Variants in DMD observed in about 807,000 individuals in gnomAD.
DMD encodes dystrophin, also known as mutant dystrophin.
Under a neutral mutation model 330.1 loss-of-function variants are expected in DMD, and 63 were observed. The ratio of observed to expected loss-of-function variants is 0.19; its 90% CI spans 0.16 to 0.24. DMD has a LOEUF of 0.24. Among genes scored for constraint, DMD ranks in the 10% least tolerant of loss-of-function variants. The pLI is 1.00. For synonymous variants in DMD, 1,223 were observed against 959.8 expected, an observed-to-expected ratio of 1.27 and a Z score of -5.07; for missense variants, 3,344 against 2,684.1, an observed-to-expected ratio of 1.25 and a Z score of -5.43.
At chrX:32,573,474 T>C in intron 15 of DMD, 56 bp downstream of exon 15, 1 of 913,593 alleles carries the variant, frequency 1.1e-6, no homozygotes, top group Non-Finnish European at 1.6e-6. Flanking sequence ...TAAATAATAG[T>C]GATAATATAC....
At position 31,444,624 on chromosome X, in the gene DMD, G is replaced by T. The variant is rs2149076096; in HGVS notation, c.8941C>A (p.Leu2981Ile). 1.7e-6 allele frequency: 2 copies of T among 1,211,137 alleles called. No individual in the cohort carries two copies. Among genetic ancestry groups the T allele is most frequent in the African/African-American group, 3.5e-5 (2 of 57,672 alleles). The change falls in exon 60 of 79, where the codon CTT (leucine) becomes ATT (isoleucine). Residue 2981 changes from leucine (L) to isoleucine (I), a missense_variant. Transcript: ENST00000357033. ...TTCAGAGGCGCAATTTCTCCTCGAA[G>T]TGCCTGTGTGCAATAGTCAAAAGCA... ...LQDHLEKVKA[L>I]RGEIAPLKEN...
chrX:31,487,147 C>T (rs2068870664), intron 57 of DMD, among the ~76,000 whole-genome samples: 1 of 111,933 alleles, frequency 8.9e-6, no homozygotes, highest in South Asian at 3.7e-4. Flanking sequence ...TCATTTGAGA[C>T]AGCTAGTATT....
At chrX:32,661,927 T>A (rs1386603177) in intron 9 of DMD, among the ~76,000 whole-genome samples, 1 of 111,666 alleles carries the variant, frequency 9.0e-6, no homozygotes, top group Non-Finnish European at 1.9e-5. Flanking sequence ...TGGTATATAA[T>A]CATACCCGAA....
intron 44 of DMD, among the ~76,000 whole-genome samples, chrX:32,059,788 T>G (rs2096209711): frequency 9.0e-6 from 1 of 111,430 alleles, no homozygotes; most frequent in South Asian, 3.8e-4. Context: ...GATGCTTAAG[T>G]TGGTATAAGA....
At chrX:32,965,151 T>C (rs189003365) in intron 2 of DMD, among the ~76,000 whole-genome samples, 207 of 111,519 alleles carry the variant, frequency 1.9e-3, no homozygotes, top group African/African-American at 6.1e-3. Flanking sequence ...AGAGGAGTCC[T>C]ATAGGATAAT....
chrX:33,171,999 T>C (rs987441993), intron 1 of DMD, among the ~76,000 whole-genome samples: 1 of 110,997 alleles, frequency 9.0e-6, no homozygotes, highest in Non-Finnish European at 1.9e-5. Context: ...TGATGCATCT[T>C]GACGCAAACA....
chrX:32,551,937 TA>T (rs2049605731), intron 16 of DMD, among the ~76,000 whole-genome samples: 1 of 112,044 alleles, frequency 8.9e-6, no homozygotes, highest in East Asian at 2.8e-4. Context: ...GAAACACTGC[TA>T]AACTGAGAAT....
chrX:31,540,223 C>T (rs750216677), intron 55 of DMD, among the ~76,000 whole-genome samples: 17 of 111,954 alleles, frequency 1.5e-4, no homozygotes, highest in African/African-American at 3.9e-4. Context: ...TAAAATGATA[C>T]GGACCTTTAA....
At chrX:31,850,350 A>G (rs1305951629) in intron 48 of DMD, among the ~76,000 whole-genome samples, 1 of 112,483 alleles carries the variant, frequency 8.9e-6, no homozygotes, top group Non-Finnish European at 1.9e-5. Flanking sequence ...GCATTTGGGA[A>G]TCAATGAAAT....
At chrX:32,138,487 C>G (rs1393704396) in intron 44 of DMD, among the ~76,000 whole-genome samples, 1 of 112,082 alleles carries the variant, frequency 8.9e-6, no homozygotes, top group Non-Finnish European at 1.9e-5. Context: ...CACAGTTGCT[C>G]TACTTGCATG....
intron 47 of DMD, among the ~76,000 whole-genome samples, chrX:31,900,154 T>C (rs970301494): frequency 9.0e-6 from 1 of 111,629 alleles, no homozygotes; most frequent in African/African-American, 3.3e-5. Context: ...AACAGAGAGT[T>C]AATTCTCACA....
chrX:33,085,713 C>T (rs776489813), intron 1 of DMD, among the ~76,000 whole-genome samples: 4 of 111,629 alleles, frequency 3.6e-5, no homozygotes, highest in African/African-American at 1.3e-4. Flanking sequence ...CACTATCTTA[C>T]CAATAGGCTG....
chrX:32,730,386 T>C (rs745682223), intron 7 of DMD, among the ~76,000 whole-genome samples: 15 of 111,889 alleles, frequency 1.3e-4, no homozygotes, highest in South Asian at 7.5e-4. Flanking sequence ...AGTAAATGCA[T>C]AGATATGTGA....
chrX:32,394,927 A>G (rs377334444), intron 30 of DMD, among the ~76,000 whole-genome samples: 2 of 90,774 alleles, frequency 2.2e-5, no homozygotes, highest in African/African-American at 3.8e-5. Flanking sequence ...AAAAAAAAAA[A>G]AAAAAAGAAA....
intron 2 of DMD, among the ~76,000 whole-genome samples, chrX:32,891,720 T>C (rs1001497939): frequency 8.9e-6 from 1 of 112,024 alleles, no homozygotes; most frequent in Non-Finnish European, 1.9e-5. Context: ...GGAGAGTCTA[T>C]CATCTGTAAA....
chrX:32,576,011 A>G (rs2053003375), intron 13 of DMD, among the ~76,000 whole-genome samples: 1 of 112,225 alleles, frequency 8.9e-6, no homozygotes, highest in African/African-American at 3.2e-5. Flanking sequence ...GGGAATACAA[A>G]TCCAAATAAA....
At chrX:31,152,817 G>A (rs2037604586) in intron 74 of DMD, among the ~76,000 whole-genome samples, 1 of 112,864 alleles carries the variant, frequency 8.9e-6, no homozygotes, top group African/African-American at 3.2e-5. Flanking sequence ...TAGGATTACA[G>A]GTGTGAGCCA....
chrX:33,096,181 A>G (rs1220011911), intron 1 of DMD, among the ~76,000 whole-genome samples: 7 of 109,490 alleles, frequency 6.4e-5, no homozygotes, highest in Middle Eastern at 4.7e-3. Flanking sequence ...TCACCATGTT[A>G]GCCAGGATGG....
Position 32,790,852 on chromosome X carries a change from A to G in DMD, c.649+18641T>C, listed in dbSNP as rs556365342. Among the ~76,000 whole-genome samples the G allele has an allele frequency of 5.1e-4, 57 of 111,555 alleles. No individual in the cohort carries two copies. In the South Asian group the frequency reaches 0.02, roughly 39 times the overall value. ...CTCTCCAGTAGCAGGGCCACAGTGT[A>G]GCCAACACTGCCTTCCACCTGAGCA... On this transcript the variant is annotated intron_variant, in intron 7 of 78. Coordinates refer to ENST00000357033, the MANE Select transcript of DMD (RefSeq NM_004006.3).
Sources: allele counts gnomAD v4.1 joint callset (sites outside exome capture counted in the v4.1 genomes callset), GRCh38; gene constraint gnomAD v4.1.1; transcripts MANE v1.5; gene names NCBI Gene and HGNC (gene_info 2026-07-23, HGNC 2026-07-21).